Variants in LRRTM4 observed in about 807,000 individuals in gnomAD.
LRRTM4 encodes the protein leucine rich repeat transmembrane neuronal 4, also known as leucine-rich repeat transmembrane neuronal protein 4.
Under a neutral mutation model 47.6 loss-of-function variants are expected in LRRTM4, and 25 were observed. That is an observed-to-expected ratio of 0.53 (90% confidence interval 0.38 to 0.73). The LOEUF (loss-of-function observed/expected upper bound fraction) is 0.73, where lower values mean the gene tolerates loss of function less well. LRRTM4 is among the 30% of genes least tolerant of loss of function. The probability of loss-of-function intolerance (pLI) is 0.00; values close to 1 mark genes in which losing one functional copy is unlikely to be tolerated. For synonymous variants in LRRTM4, 311 were observed against 269.5 expected, an observed-to-expected ratio of 1.15 and a Z score of -1.51; for missense variants, 638 against 713.4, an observed-to-expected ratio of 0.89 and a Z score of 1.20.
chr2:76,981,245 GTC>G (rs1421014695), intron 3 of LRRTM4, among the ~76,000 whole-genome samples: 29 of 152,150 alleles, frequency 1.9e-4, no homozygotes, highest in African/African-American at 7.0e-4. Flanking sequence ...AAAATTCATA[GTC>G]TCTGCTCTAA....
chr2:77,060,309 T>G (rs2103797691), intron 3 of LRRTM4, among the ~76,000 whole-genome samples: 1 of 152,274 alleles, frequency 6.6e-6, no homozygotes, highest in East Asian at 1.9e-4. Flanking sequence ...ATTTTCAAAT[T>G]TTTGTGCTAA....
intron 3 of LRRTM4, among the ~76,000 whole-genome samples, chr2:76,789,949 G>A (rs1031838508): frequency 6.6e-6 from 1 of 152,138 alleles, no homozygotes; most frequent in East Asian, 1.9e-4. Context: ...GCAGTCCCCA[G>A]GACAACGGGT....
intron 3 of LRRTM4, among the ~76,000 whole-genome samples, chr2:77,424,801 T>C (rs1398258822): frequency 3.3e-5 from 5 of 152,180 alleles, no homozygotes; most frequent in Non-Finnish European, 4.4e-5. Context: ...TATACACTCC[T>C]GGTGGAAGTT....
At chr2:76,873,721 T>C (rs1405619324) in intron 3 of LRRTM4, among the ~76,000 whole-genome samples, 2 of 151,552 alleles carry the variant, frequency 1.3e-5, no homozygotes, top group South Asian at 2.1e-4. Context: ...TATGACCTTA[T>C]TGTTAAGCAT....
chr2:77,300,733 C>T (rs1157988234), intron 3 of LRRTM4, among the ~76,000 whole-genome samples: 3 of 152,070 alleles, frequency 2.0e-5, no homozygotes, highest in East Asian at 1.9e-4. Flanking sequence ...TATGCCTGCT[C>T]ATATGTTCAT....
chr2:76,786,096 C>T (rs757400620), intron 3 of LRRTM4, among the ~76,000 whole-genome samples: 2 of 152,002 alleles, frequency 1.3e-5, no homozygotes, highest in Non-Finnish European at 2.9e-5. Context: ...CATTTTCAAC[C>T]CTCACCTCAA....
At chr2:76,773,174 C>T (rs542396559) in intron 3 of LRRTM4, 2 of 152,188 alleles carry the variant, frequency 1.3e-5, no homozygotes, top group Non-Finnish European at 2.9e-5. Flanking sequence ...AATAATGGCG[C>T]CTCTATCTTC....
chr2:76,890,365 C>T (rs1573263741), intron 3 of LRRTM4, among the ~76,000 whole-genome samples: 1 of 151,912 alleles, frequency 6.6e-6, no homozygotes, highest in East Asian at 1.9e-4. Flanking sequence ...ATGTCCTTAC[C>T]ATCTTAATAA....
At chr2:77,274,248 G>A (rs928672539) in intron 3 of LRRTM4, among the ~76,000 whole-genome samples, 4 of 151,962 alleles carry the variant, frequency 2.6e-5, no homozygotes, top group Non-Finnish European at 2.9e-5. Flanking sequence ...AATTTATCAC[G>A]AAAAGGTTAA....
At chr2:77,386,793 G>T (rs576507949) in intron 3 of LRRTM4, among the ~76,000 whole-genome samples, 3 of 152,184 alleles carry the variant, frequency 2.0e-5, no homozygotes, top group Admixed American at 6.5e-5. Context: ...GTCGGGGAGT[G>T]GGGGGCAAGG....
chr2:77,378,769 C>G (rs1178696036), intron 3 of LRRTM4, among the ~76,000 whole-genome samples: 1 of 152,068 alleles, frequency 6.6e-6, no homozygotes, highest in Non-Finnish European at 1.5e-5. Flanking sequence ...TAAAATTTCA[C>G]CTGCCTCAGT....
intron 3 of LRRTM4, among the ~76,000 whole-genome samples, chr2:77,156,930 C>G (rs1394439596): frequency 1.3e-5 from 2 of 151,174 alleles, no homozygotes; most frequent in Non-Finnish European, 2.9e-5. Context: ...GGGCCTTTTG[C>G]TTTTTAACAT....
At chr2:77,402,709 G>A (rs974136197) in intron 3 of LRRTM4, among the ~76,000 whole-genome samples, 4 of 151,738 alleles carry the variant, frequency 2.6e-5, no homozygotes, top group African/African-American at 9.7e-5. Flanking sequence ...TATATTCACA[G>A]CTGGGCAATG....
At chr2:77,174,340 C>T (rs1673133890) in intron 3 of LRRTM4, among the ~76,000 whole-genome samples, 1 of 152,160 alleles carries the variant, frequency 6.6e-6, no homozygotes, top group Admixed American at 6.6e-5. Flanking sequence ...TTCAGCTTTT[C>T]AGGCCACTGG....
chr2:77,267,135 A>G (rs982478651), intron 3 of LRRTM4, among the ~76,000 whole-genome samples: 2 of 152,194 alleles, frequency 1.3e-5, no homozygotes, highest in African/African-American at 4.8e-5. Flanking sequence ...ATCTGCAGAA[A>G]TCCCCCAGAA....
intron 3 of LRRTM4, among the ~76,000 whole-genome samples, chr2:77,022,259 A>G (rs138540905): frequency 6.6e-6 from 1 of 152,162 alleles, no homozygotes; most frequent in Non-Finnish European, 1.5e-5. Flanking sequence ...TCCATGATTC[A>G]AATTATCTCC....
chr2:77,453,761 CA>C (rs1676357414), intron 3 of LRRTM4, among the ~76,000 whole-genome samples: 1 of 152,112 alleles, frequency 6.6e-6, no homozygotes, highest in African/African-American at 2.4e-5. Context: ...ATAAAAAGGA[CA>C]TTGGTAAATT....
intron 3 of LRRTM4, among the ~76,000 whole-genome samples, chr2:77,326,590 C>G (rs577506858): frequency 1.1e-4 from 16 of 151,890 alleles, no homozygotes; most frequent in Non-Finnish European, 1.6e-4. Context: ...GAGACAGGGT[C>G]TCTCTATTTT....
intron 3 of LRRTM4, among the ~76,000 whole-genome samples, chr2:77,250,641 A>T (rs1358884873): frequency 6.6e-6 from 1 of 152,190 alleles, no homozygotes; most frequent in Non-Finnish European, 1.5e-5. Context: ...ATGAACACAA[A>T]TTGTACAGAA....
Sources: gnomAD v4.1 joint callset for allele counts (sites outside exome capture counted in the v4.1 genomes callset) on GRCh38, gnomAD v4.1.1 for gene constraint, MANE v1.5 for transcripts, NCBI Gene and HGNC (gene_info 2026-07-23, HGNC 2026-07-21) for gene names.